The following FOXP1 variants were observed in gnomAD, a reference collection of about 807,000 sequenced individuals.
The protein encoded by FOXP1 is forkhead box protein P1.
FOXP1 carries 15 observed loss-of-function variants against 98.2 expected under a neutral mutation model. The observed-to-expected ratio is 0.15, with a 90% CI of 0.10 to 0.24. The LOEUF is 0.24. Among genes scored for constraint, FOXP1 ranks in the 10% least tolerant of loss-of-function variants. FOXP1 has a pLI of 1.00. For synonymous variants in FOXP1, 371 were observed against 314.5 expected, an observed-to-expected ratio of 1.18 and a Z score of -1.90; for missense variants, 633 against 848.5, an observed-to-expected ratio of 0.75 and a Z score of 3.15.
rs2065614038 is a variant in FOXP1 at position 71,223,838 on chromosome 3, T to G, written c.-11-25446A>C. On this transcript the variant is annotated intron_variant, in intron 5 of 20. Coordinates refer to ENST00000649528, the MANE Select transcript of FOXP1 (RefSeq NM_001349338.3). ...CAGGCCAGGAGTACCCCATTACTGC[T>G]TCAGTAAAGCCTAATAGTACTGGAT... is the stretch of plus-strand genomic sequence containing the variant. 2.6e-5 allele frequency among the ~76,000 whole-genome samples: 4 copies of G among 152,182 alleles called. No homozygotes were observed. The South Asian group carries it at 8.3e-4, about 31-fold the overall frequency.
intron 4 of FOXP1, among the ~76,000 whole-genome samples, chr3:71,346,791 T>C (rs559671281): frequency 6.6e-6 from 1 of 152,182 alleles, no homozygotes; most frequent in East Asian, 1.9e-4. Context: ...TAAAGCCCCA[T>C]TAAAAAAAAT....
chr3:71,082,222 T>C (rs1350252953), intron 7 of FOXP1, among the ~76,000 whole-genome samples: 2 of 148,444 alleles, frequency 1.3e-5, no homozygotes, highest in Non-Finnish European at 3.0e-5. Context: ...GAGGTTGCAG[T>C]GAGCCGAGAT....
rs138384775 is a variant in FOXP1 at position 71,324,183 on chromosome 3, A to G, written c.-72-24303T>C. On this transcript the variant is annotated intron_variant, in intron 4 of 20. Transcript: ENST00000649528. ...GATACATATATTTCCTTTTGTCTTAAATTTAGCCATTAAAGACACACACAT... is the reference window on the plus strand; with the variant it reads ...GATACATATATTTCCTTTTGTCTTAGATTTAGCCATTAAAGACACACACAT... Among the ~76,000 whole-genome samples the G allele has an allele frequency of 2.0e-3, 297 of 152,262 alleles. 2 individuals are homozygous for G. Among genetic ancestry groups the G allele is most frequent in the African/African-American group, 6.9e-3 (287 of 41,546 alleles).
rs770554176 is a variant in FOXP1, at chr3:70,977,896, G to C, written c.1280C>G (p.Thr427Ser). ...GATGGGTCCCACCGTGTGCATGCTG[G>C]TGGTTGTGATGACAGAGGGGCCTTG... ...VTQGPSVITT[T>S]SMHTVGPIRR... The change falls in exon 15 of 21, where the codon ACC (threonine) becomes AGC (serine). Residue 427 changes from threonine to serine, a missense_variant. Physicochemically the swap from Thr to Ser is moderately conservative, Grantham distance 58. Coordinates refer to ENST00000649528, the MANE Select transcript of FOXP1 (RefSeq NM_001349338.3). 6.2e-7 allele frequency: 1 copy of C among 1,614,202 alleles called. No homozygotes were observed. Among genetic ancestry groups the C allele is most frequent in the Non-Finnish European group, 8.5e-7 (1 of 1,180,042 alleles).
At chr3:71,332,312 A>C (rs527535461) in intron 4 of FOXP1, 1 of 155,836 alleles carries the variant, frequency 6.4e-6, no homozygotes, top group South Asian at 2.0e-4. Context: ...TTCACGCCTG[A>C]GCCAGCGAGA....
At chr3:71,391,876 A>G (rs2081062974) in intron 3 of FOXP1, among the ~76,000 whole-genome samples, 1 of 152,188 alleles carries the variant, frequency 6.6e-6, no homozygotes, top group Non-Finnish European at 1.5e-5. Context: ...TTGGATCAGG[A>G]CACTTTTACT....
chr3:71,415,764 T>C (rs202052441), intron 3 of FOXP1, among the ~76,000 whole-genome samples: 8 of 151,674 alleles, frequency 5.3e-5, no homozygotes, highest in Admixed American at 2.6e-4. Flanking sequence ...GACTGTAAAA[T>C]AGTCATGACC....
chr3:71,554,496 A>C (rs1316161703), intron 2 of FOXP1, among the ~76,000 whole-genome samples: 3 of 152,202 alleles, frequency 2.0e-5, no homozygotes, highest in Non-Finnish European at 4.4e-5. Context: ...AACAGAATGA[A>C]ATTCTGTTGA....
intron 6 of FOXP1, among the ~76,000 whole-genome samples, chr3:71,156,876 C>A (rs1196538098): frequency 1.3e-5 from 2 of 152,216 alleles, no homozygotes; most frequent in African/African-American, 4.8e-5. Context: ...GTCCAGCACA[C>A]CTGGGCAACC....
At chr3:71,106,927 C>T (rs543330306) in intron 7 of FOXP1, among the ~76,000 whole-genome samples, 4 of 151,872 alleles carry the variant, frequency 2.6e-5, no homozygotes, top group East Asian at 2.0e-4. Context: ...GCACCGGGCC[C>T]GGCTAATATT....
chr3:71,394,625 T>G (rs1343709276), intron 3 of FOXP1, among the ~76,000 whole-genome samples: 2 of 152,224 alleles, frequency 1.3e-5, no homozygotes, highest in Non-Finnish European at 2.9e-5. Flanking sequence ...ATTTTGTATA[T>G]GACTTTGCAT....
chr3:71,169,935 C>G (rs899049577), intron 6 of FOXP1, among the ~76,000 whole-genome samples: 1 of 152,098 alleles, frequency 6.6e-6, no homozygotes, highest in Middle Eastern at 3.4e-3. Context: ...TGGGATGAAT[C>G]GAATGTACAA....
At chr3:71,312,064 T>G (rs1179746352) in intron 4 of FOXP1, among the ~76,000 whole-genome samples, 2 of 152,312 alleles carry the variant, frequency 1.3e-5, no homozygotes, top group East Asian at 1.9e-4. Flanking sequence ...GAAGCCCAAC[T>G]TACAGGCTGT....
chr3:71,386,667 C>T (rs1466154930), intron 3 of FOXP1, among the ~76,000 whole-genome samples: 3 of 143,508 alleles, frequency 2.1e-5, no homozygotes, highest in Admixed American at 7.5e-5. Flanking sequence ...CACCTGAACC[C>T]GGGAGGCAGA....
chr3:71,348,234 T>C (rs13083901), intron 4 of FOXP1, among the ~76,000 whole-genome samples: 63,400 of 151,614 alleles, frequency 0.42, 15,647 homozygotes, highest in East Asian at 0.74. Context: ...ACTACTGTAT[T>C]TTCTCTCTTT....
intron 2 of FOXP1, among the ~76,000 whole-genome samples, chr3:71,539,944 C>A (rs1315431037): frequency 6.6e-6 from 1 of 152,174 alleles, no homozygotes. Context: ...TCTTGCTTAT[C>A]CTGCACACCT....
At chr3:71,103,809 C>T (rs1330909462) in intron 7 of FOXP1, among the ~76,000 whole-genome samples, 2 of 152,156 alleles carry the variant, frequency 1.3e-5, no homozygotes, top group Admixed American at 6.6e-5. Flanking sequence ...TGCAGACTTA[C>T]AAAATAAAGG....
intron 3 of FOXP1, among the ~76,000 whole-genome samples, chr3:71,447,827 C>T (rs1020131361): frequency 6.6e-6 from 1 of 152,162 alleles, no homozygotes; most frequent in Admixed American, 6.5e-5. Context: ...TCACCCTACT[C>T]AAGATCATAG....
intron 3 of FOXP1, among the ~76,000 whole-genome samples, chr3:71,427,893 T>G (rs1464602484): frequency 6.6e-6 from 1 of 152,138 alleles, no homozygotes; most frequent in Non-Finnish European, 1.5e-5. Context: ...TATGTGGAGA[T>G]CTGAATGAAG....
Sources: allele counts gnomAD v4.1 joint callset (sites outside exome capture counted in the v4.1 genomes callset), GRCh38; gene constraint gnomAD v4.1.1; transcripts MANE v1.5; gene names NCBI Gene and HGNC (gene_info 2026-07-23, HGNC 2026-07-21).